The following SIRPD variants were observed in gnomAD, a reference collection of about 807,000 sequenced individuals.
SIRPD encodes the protein signal regulatory protein delta, also known as signal-regulatory protein delta.
In SIRPD, 21 loss-of-function variants were observed where a neutral mutation model predicts 18.0. The observed-to-expected ratio is 1.17, with a 90% CI of 0.83 to 1.68. The LOEUF is 1.68. Ranked by LOEUF, SIRPD falls within the 40% of genes most tolerant of loss-of-function variation. The pLI is 0.00. For synonymous variants in SIRPD, 106 were observed against 92.9 expected, an observed-to-expected ratio of 1.14 and a Z score of -0.81; for missense variants, 295 against 238.4, an observed-to-expected ratio of 1.24 and a Z score of -1.56.
intron 1 of SIRPD, among the ~76,000 whole-genome samples, chr20:1,553,421 C>A (rs1446304368): frequency 6.6e-6 from 1 of 152,068 alleles, no homozygotes; most frequent in Non-Finnish European, 1.5e-5. Context: ...TTGTTTTGGC[C>A]CAGGAGATAC....
intron 1 of SIRPD, 121 bp downstream of exon 1, chr20:1,557,460 G>T: frequency 2.4e-6 from 2 of 850,016 alleles, no homozygotes; most frequent in Non-Finnish European, 3.4e-6. Context: ...AGTTCTGCCT[G>T]TTCTGGGATA....
intron 2 of SIRPD, among the ~76,000 whole-genome samples, chr20:1,544,309 A>G (rs2090984122): frequency 6.6e-6 from 1 of 152,158 alleles, no homozygotes; most frequent in South Asian, 2.1e-4. Flanking sequence ...TTGAGGGCAT[A>G]TATATTTAGG....
intron 1 of SIRPD, 98 bp from the exon 2 acceptor site, chr20:1,552,136 C>T (rs1416603483): frequency 1.2e-5 from 12 of 1,003,134 alleles, no homozygotes; most frequent in Admixed American, 2.5e-5. Context: ...CTTTTAATGA[C>T]ATGCGCAAAT....
At chr20:1,546,224 C>A (rs1466762051) in intron 2 of SIRPD, among the ~76,000 whole-genome samples, 3 of 152,218 alleles carry the variant, frequency 2.0e-5, no homozygotes, top group Non-Finnish European at 2.9e-5. Context: ...CCCACAGCTG[C>A]CCCTTCCCCC....
intron 2 of SIRPD, among the ~76,000 whole-genome samples, chr20:1,539,565 T>G (rs2090961652): frequency 6.6e-6 from 1 of 152,262 alleles, no homozygotes; most frequent in South Asian, 2.1e-4. Context: ...AGAGAACTGC[T>G]GTGGTAGTCA....
intron 1 of SIRPD, 37 bp from the exon 2 acceptor site, chr20:1,552,075 G>T (rs760700832): frequency 1.3e-6 from 2 of 1,572,640 alleles, no homozygotes; most frequent in South Asian, 2.3e-5. Context: ...CATTTCCCCT[G>T]TTCTGGCTTA....
chr20:1,551,788 A>G lies in SIRPD; in HGVS notation c.324T>C (p.Ser108=). 1.9e-6 allele frequency: 3 copies of G among 1,614,112 alleles called. No homozygotes were observed. Among genetic ancestry groups the G allele is most frequent in the Non-Finnish European group, 2.5e-6 (3 of 1,179,984 alleles). ...TDFSTRIREI[S]LADAGTYYCV... is the part of the protein sequence containing the mutation. ...AGTAATAGGTGCCAGCATCAGCAAG[A>G]GAGATTTCACGGATGCGGGTGGAAA... The change falls in exon 2 of 4, where the codon TCT becomes TCC. Residue 108 remains serine (S), a synonymous_variant. Coordinates refer to ENST00000381623, the MANE Select transcript of SIRPD (RefSeq NM_178460.3).
chr20:1,537,248 C>G lies in SIRPD; in HGVS notation c.484G>C (p.Asp162His). ...AGGGCCGAGAGGCAGGTATGGGCAT[C>G]ATGGTGGGCCCTGGAGCCTGCTCTG... is the stretch of plus-strand genomic sequence containing the variant. ...AGRAGSRAHH[D>H]AHTCLSALPE... is the part of the protein sequence containing the mutation. The change falls in exon 3 of 4, where the codon GAT becomes CAT. Residue 162 changes from aspartate (D) to histidine (H), a missense_variant. Asp to His is a moderately conservative substitution (Grantham distance 81, BLOSUM62 -1). Coordinates refer to ENST00000381623, the MANE Select transcript of SIRPD (RefSeq NM_178460.3). 6.2e-7 allele frequency: 1 copy of G among 1,614,110 alleles called. No homozygotes were observed. The highest frequency in any genetic ancestry group is 8.5e-7 in the Non-Finnish European group (1 of 1,180,012).
chr20:1,544,967 T>A (rs576544813), intron 2 of SIRPD, among the ~76,000 whole-genome samples: 140 of 152,326 alleles, frequency 9.2e-4, no homozygotes, highest in African/African-American at 3.3e-3. Flanking sequence ...GCTTGTACGG[T>A]TTCTGAAGAG....
Position 1,547,766 on chromosome 20 carries a change from T to C in SIRPD, c.421+3925A>G, listed in dbSNP as rs56754323. On this transcript the variant is annotated intron_variant, in intron 2 of 3. Transcript: ENST00000381623. The stretch of plus-strand genomic sequence containing the variant: ...GCCATCTTAAGAATGTTAAATCTTC[T>C]GGTCCATGAAAATGGGAAAATTTTC... Among the ~76,000 whole-genome samples the C allele has an allele frequency of 9.1e-3, 1,393 of 152,356 alleles. 22 individuals carry two copies. The highest frequency in any genetic ancestry group is 0.033 in the African/African-American group (1,359 of 41,594).
intron 2 of SIRPD, among the ~76,000 whole-genome samples, chr20:1,550,269 T>C (rs908192353): frequency 7.2e-5 from 11 of 152,194 alleles, no homozygotes; most frequent in Non-Finnish European, 1.3e-4. Context: ...TTATCTCCCA[T>C]GGACCTCCTC....
At chr20:1,538,097 A>G (rs769666934) in intron 2 of SIRPD, among the ~76,000 whole-genome samples, 1 of 152,170 alleles carries the variant, frequency 6.6e-6, no homozygotes, top group Non-Finnish European at 1.5e-5. Context: ...AATCACATTC[A>G]GAGCCTCTAG....
intron 2 of SIRPD, among the ~76,000 whole-genome samples, chr20:1,541,727 G>A (rs1464926288): frequency 6.6e-6 from 1 of 152,168 alleles, no homozygotes; most frequent in African/African-American, 2.4e-5. Flanking sequence ...CCTATGTCCT[G>A]AATGGTATTG....
intron 2 of SIRPD, among the ~76,000 whole-genome samples, chr20:1,542,879 A>G (rs1018356474): frequency 2.0e-5 from 3 of 152,152 alleles, no homozygotes; most frequent in Non-Finnish European, 2.9e-5. Context: ...TTCTGCATCT[A>G]TTGAGATAAT....
intron 1 of SIRPD, among the ~76,000 whole-genome samples, chr20:1,554,758 G>A (rs535808511): frequency 6.2e-4 from 95 of 152,140 alleles, no homozygotes; most frequent in Non-Finnish European, 1.0e-3. Flanking sequence ...GGTGTGAAAG[G>A]CCACTCATTC....
chr20:1,551,849 T>G lies in SIRPD; in HGVS notation c.263A>C (p.Glu88Ala). The G allele has an allele frequency of 1.2e-6, 2 of 1,614,096 alleles. No homozygotes were observed. Among genetic ancestry groups the G allele is most frequent in the Non-Finnish European group, 1.7e-6 (2 of 1,179,990 alleles). Residue 88 changes from glutamate (E) to alanine (A), a missense_variant, in exon 2 of 4, where the codon GAG becomes GCG. Transcript: ENST00000381623. ...FKQGNFPRVKEIGDTTKPGNT... is the reference protein window; with the variant it reads ...FKQGNFPRVKAIGDTTKPGNT... ...GCCAGGCTTGGTGGTGTCTCCAATC[T>G]CTTTTACTCTGGGAAAGTTACCTTG...
At chr20:1,547,655 G>C (rs2090999507) in intron 2 of SIRPD, among the ~76,000 whole-genome samples, 1 of 152,116 alleles carries the variant, frequency 6.6e-6, no homozygotes, top group South Asian at 2.1e-4. Flanking sequence ...TGAATGTTAA[G>C]ATCAGCTTGT....
At chr20:1,556,361 A>G (rs142368544) in intron 1 of SIRPD, among the ~76,000 whole-genome samples, 2 of 152,348 alleles carry the variant, frequency 1.3e-5, no homozygotes, top group East Asian at 3.9e-4. Context: ...CCATTGAATA[A>G]AAAGAGGAAG....
chr20:1,542,678 G>C (rs894597091), intron 2 of SIRPD, among the ~76,000 whole-genome samples: 5 of 152,104 alleles, frequency 3.3e-5, no homozygotes, highest in Non-Finnish European at 2.9e-5. Flanking sequence ...ATACTATGTT[G>C]AATAGAAGTG....
Sources: allele counts gnomAD v4.1 joint callset (sites outside exome capture counted in the v4.1 genomes callset), GRCh38; gene constraint gnomAD v4.1.1; transcripts MANE v1.5; gene names NCBI Gene and HGNC (gene_info 2026-07-23, HGNC 2026-07-21).